GRAMD1A: variants seen among roughly 807,000 people sequenced by gnomAD.
GRAMD1A encodes the protein protein Aster-A.
A neutral mutation model predicts 92.0 loss-of-function variants in GRAMD1A; 50 were observed. That is an observed-to-expected ratio of 0.54 (90% CI 0.43 to 0.69). GRAMD1A has a LOEUF of 0.69. Among genes scored for constraint, GRAMD1A ranks in the 30% least tolerant of loss-of-function variants. GRAMD1A has a pLI of 0.00. For synonymous variants in GRAMD1A, 405 were observed against 403.6 expected (o/e 1.00, Z -0.04); for missense variants, 819 against 978.9 (o/e 0.84, Z 2.18).
rs760374647 is a variant in GRAMD1A at position 35,010,450 on chromosome 19, G to A, written c.525+71G>A. On this transcript the variant is annotated intron_variant, in intron 6 of 19. Transcript: ENST00000317991. ...AGGCCGCCTCCCCCAAACATGCAAAGCCCCATTTGTTCTGCACCCTGAGTT... is the reference window on the plus strand; with the variant it reads ...AGGCCGCCTCCCCCAAACATGCAAAACCCCATTTGTTCTGCACCCTGAGTT... 2.2e-5 allele frequency: 22 copies of A among 1,005,840 alleles called. No individual in the cohort carries two copies. The Middle Eastern group carries it at 6.2e-4, about 28-fold the overall frequency. The allele number at this position is 1,005,840 out of a possible 1,614,324, so 62.3% of individuals were successfully genotyped here.
upstream of GRAMD1A, chr19:34,999,951 C>T (rs1467947950): frequency 3.9e-5 from 38 of 982,102 alleles, 1 homozygote; most frequent in South Asian, 1.6e-3. Flanking sequence ...CCCAGCATCT[C>T]CAGTCCTCCC....
At chr19:35,019,935 C>T (rs1367062508) in intron 13 of GRAMD1A, among the ~76,000 whole-genome samples, 2 of 152,196 alleles carry the variant, frequency 1.3e-5, no homozygotes, top group African/African-American at 4.8e-5. Context: ...TTACACCCGA[C>T]ACGCTGGTCA....
chr19:34,995,778 T>C (rs150174483), upstream of GRAMD1A, among the ~76,000 whole-genome samples: 1 of 152,132 alleles, frequency 6.6e-6, no homozygotes, highest in Non-Finnish European at 1.5e-5. Context: ...AGATAAGGTC[T>C]TGCTATGCTG....
intron 19 of GRAMD1A, 50 bp from the exon 20 acceptor site, chr19:35,025,999 C>A (rs776064926): frequency 1.1e-6 from 1 of 925,332 alleles, no homozygotes; most frequent in Non-Finnish European, 1.8e-6. Flanking sequence ...GCGACATCAC[C>A]CCCCAGCCTC....
intron 1 of GRAMD1A, among the ~76,000 whole-genome samples, chr19:35,006,816 C>T (rs2151706650): frequency 6.6e-6 from 1 of 152,334 alleles, no homozygotes; most frequent in South Asian, 2.1e-4. Flanking sequence ...AGTAAACAAG[C>T]AGGACACTCC....
Position 35,009,314 on chromosome 19 carries a change from C to A in GRAMD1A, c.204C>A (p.Phe68Leu). The A allele has an allele frequency of 1.2e-6, 2 of 1,613,972 alleles. No homozygotes were observed. The highest frequency in any genetic ancestry group is 1.7e-6 in the Non-Finnish European group (2 of 1,179,864). Residue 68 changes from phenylalanine (F) to leucine (L), a missense_variant, in exon 2 of 20, where the codon TTC (phenylalanine) becomes TTA (leucine). Transcript: ENST00000317991. ...CCCAGAGCCTAGGCAGCCGGAACTT[C>A]ATCCGCAACAGCAAGGTTGGTGCAA... is the stretch of plus-strand genomic sequence containing the variant. ...PSTQSLGSRN[F>L]IRNSKKMQSW...
At chr19:35,010,560 C>A (rs1284452037) in intron 6 of GRAMD1A, 181 bp downstream of exon 6, 2 of 606,428 alleles carry the variant, frequency 3.3e-6, no homozygotes, top group South Asian at 1.9e-5. Context: ...CCTCTCCTCT[C>A]TTTCCCTGCA....
chr19:35,011,157 G>A (rs566083296), intron 6 of GRAMD1A, among the ~76,000 whole-genome samples: 3 of 151,680 alleles, frequency 2.0e-5, no homozygotes, highest in South Asian at 2.1e-4. Context: ...AAGGAGGCTG[G>A]GCAAGTTCCC....
At chr19:35,005,035 A>G (rs2014694546) in intron 1 of GRAMD1A, among the ~76,000 whole-genome samples, 1 of 152,028 alleles carries the variant, frequency 6.6e-6, no homozygotes, top group Admixed American at 6.6e-5. Context: ...GCTGCCCTGG[A>G]GACCTGCAGG....
chr19:35,010,081 G>T lies in GRAMD1A; in HGVS notation c.326-11G>T. On this transcript the variant is annotated splice_polypyrimidine_tract_variant and intron_variant, in intron 4 of 19. Coordinates refer to ENST00000317991, the MANE Select transcript of GRAMD1A (RefSeq NM_020895.5). ...CTTGGGTGTCCTCCTGTCTCTCCCC[G>T]CCCCTCTCAGATTACTCCTGCGCCC... The T allele has an allele frequency of 6.3e-7, 1 of 1,587,488 alleles. No homozygotes were observed. Among genetic ancestry groups the T allele is most frequent in the South Asian group, 1.1e-5 (1 of 90,550 alleles).
upstream of GRAMD1A, chr19:34,998,096 G>T (rs944376827): frequency 1.3e-5 from 2 of 149,452 alleles, no homozygotes; most frequent in African/African-American, 4.9e-5. Context: ...AAAAAGCGCA[G>T]GAAGGAAACA....
At chr19:35,015,643 G>A (rs2015567319) in intron 10 of GRAMD1A, 181 bp from the exon 11 acceptor site, 1 of 557,500 alleles carries the variant, frequency 1.8e-6, no homozygotes, top group South Asian at 2.3e-5. Context: ...TGGGCCTGGA[G>A]CACGTGCCCA....
Position 35,007,473 on chromosome 19 carries a change from G to A in GRAMD1A, c.9-1646G>A, listed in dbSNP as rs11670300. Among the ~76,000 whole-genome samples the A allele has an allele frequency of 6.6e-5, 10 of 152,126 alleles. No homozygotes were observed. In the East Asian group the frequency reaches 1.3e-3, roughly 21 times the overall value. On this transcript the variant is annotated intron_variant, in intron 1 of 19. Coordinates refer to ENST00000317991, the MANE Select transcript of GRAMD1A (RefSeq NM_020895.5). Reference sequence around the variant, plus strand: ...CTGGGGAGGCTGGGGCGGAAGAATCGCTTGAACCTGGGAGGTGGAGGTTGC... The same window carrying A: ...CTGGGGAGGCTGGGGCGGAAGAATCACTTGAACCTGGGAGGTGGAGGTTGC...
chr19:35,010,825 G>A (rs928089271), intron 6 of GRAMD1A, among the ~76,000 whole-genome samples: 3 of 152,326 alleles, frequency 2.0e-5, no homozygotes, highest in Admixed American at 6.5e-5. Context: ...CTGGCCAGGT[G>A]TAGTGGCTCA....
At position 35,000,363 on chromosome 19, in the gene GRAMD1A, CG is replaced by C; in HGVS notation, c.-114del. The C allele has an allele frequency of 1.8e-6, 2 of 1,107,024 alleles. No individual in the cohort carries two copies. The highest frequency in any genetic ancestry group is 1.1e-6 in the Non-Finnish European group (1 of 909,496). The allele number at this position is 1,107,024 out of a possible 1,614,324, so 68.6% of individuals were successfully genotyped here. On this transcript the variant is annotated 5_prime_UTR_variant, in exon 1 of 20. Coordinates refer to ENST00000317991, the MANE Select transcript of GRAMD1A (RefSeq NM_020895.5). This position sits in a 1 kb window ranked among gnomAD's most constrained non-coding sequence, Gnocchi z 4.9. The stretch of plus-strand genomic sequence containing the variant: ...TTGGGTCGGGTGGGGGCGGCGGCCG[CG>C]GAAGGCCAGGCCGGTGCCCTGCGGG...
rs1322388839 is a variant in GRAMD1A at position 35,020,337 on chromosome 19, G to A, written c.1475+804G>A. On this transcript the variant is annotated intron_variant, in intron 13 of 19. Transcript: ENST00000317991. ...GCGGATCACTTGAGGTCAGGGGTTC[G>A]AGACCAGCCTGGCCAACATGGTGAA... 2.6e-5 allele frequency among the ~76,000 whole-genome samples: 4 copies of A among 152,224 alleles called. No homozygotes were observed. In the East Asian group the frequency reaches 5.8e-4, roughly 22 times the overall value.
chr19:34,995,570 G>GTTTTTCTTTTTTTTTTTTTTT (rs1173583059), upstream of GRAMD1A, among the ~76,000 whole-genome samples: 3 of 80,956 alleles, frequency 3.7e-5, 1 homozygote, highest in Non-Finnish European at 2.5e-5. Context: ...TCAGATCACG[G>GTTTTTCTTTTTTTTTTTTTTT]GTTTTTTTTT....
Position 35,013,245 on chromosome 19 carries a change from C to T in GRAMD1A, c.607-11C>T, listed in dbSNP as rs896979248. ...TGAGATGGAGGCCAACCCCAGGTCC[C>T]GCCTCCCCAGACGCTGAGTCCCCGC... On this transcript the variant is annotated splice_polypyrimidine_tract_variant and intron_variant, in intron 7 of 19. Coordinates refer to ENST00000317991, the MANE Select transcript of GRAMD1A (RefSeq NM_020895.5). This position sits in a 1 kb window ranked among gnomAD's most constrained non-coding sequence, Gnocchi z 4.9. 2.6e-5 allele frequency: 38 copies of T among 1,476,792 alleles called. No homozygotes were observed. Among genetic ancestry groups the T allele is most frequent in the Admixed American group, 7.9e-5 (4 of 50,332 alleles). The allele number at this position is 1,476,792 out of a possible 1,614,324, so 91.5% of individuals were successfully genotyped here.
Position 35,019,415 on chromosome 19 carries a change from G to C in GRAMD1A, c.1357G>C (p.Ala453Pro). 2 of 1,613,874 alleles carry C rather than the reference G, an allele frequency of 1.2e-6. No individual in the cohort carries two copies. Among genetic ancestry groups the C allele is most frequent in the Non-Finnish European group, 8.5e-7 (1 of 1,179,930 alleles). ...TQTLFRRGPQ[A>P]GGCVVDSEVL... ...GACGCTGTTCCGGCGCGGCCCCCAG[G>C]CCGGCGGGTGTGTGGTGGACTCCGA... Residue 453 changes from alanine (A) to proline (P), a missense_variant, in exon 13 of 20, where the codon GCC becomes CCC. Transcript: ENST00000317991.
Sources: gnomAD v4.1 joint callset for allele counts (sites outside exome capture counted in the v4.1 genomes callset) on GRCh38, gnomAD v4.1.1 for gene constraint, Gnocchi (gnomAD v3.1) non-coding constraint, MANE v1.5 for transcripts, NCBI Gene and HGNC (gene_info 2026-07-23, HGNC 2026-07-21) for gene names.